CNBD1: variants seen among roughly 807,000 people sequenced by gnomAD.
CNBD1 encodes cyclic nucleotide binding domain containing 1, also known as cyclic nucleotide-binding domain-containing protein 1.
CNBD1 carries 71 observed loss-of-function variants against 54.4 expected under a neutral mutation model. The ratio of observed to expected loss-of-function variants is 1.30; its 90% CI spans 1.08 to 1.59. The LOEUF (loss-of-function observed/expected upper bound fraction) is 1.59, where lower values mean the gene tolerates loss of function less well. CNBD1 is among the 40% of genes most tolerant of loss of function. CNBD1 has a pLI of 0.00. For missense variants in CNBD1, 659 were observed against 518.0 expected (o/e 1.27, Z -2.64); for synonymous variants, 182 against 170.7 (o/e 1.07, Z -0.51).
At chr8:87,238,887 C>T (rs116179190) in intron 6 of CNBD1, among the ~76,000 whole-genome samples, 3,662 of 152,132 alleles carry the variant, frequency 0.024, 132 homozygotes, top group African/African-American at 0.071. Flanking sequence ...GCACTGAGAG[C>T]TCCCAGCAGC....
rs777810367 is a variant in CNBD1, at chr8:86,969,789, T to TAC, written c.431+30036_431+30037insCA. Among the ~76,000 whole-genome samples the TAC allele has an allele frequency of 5.3e-3, 197 of 36,922 alleles. 1 individual carries two copies. Among genetic ancestry groups the TAC allele is most frequent in the East Asian group, 0.017 (1 of 60 alleles). 24.2% of individuals were successfully genotyped at this position (36,922 alleles called of 152,430 possible). Reference sequence around the variant, plus strand: ...ACTAAGGACTAGTGTTTTATATATATATATACACACACACACACACACACA... The same window carrying TAC: ...ACTAAGGACTAGTGTTTTATATATATACATATACACACACACACACACACACA... On this transcript the variant is annotated intron_variant, in intron 4 of 10. Transcript: ENST00000518476.
chr8:87,285,362 AT>A (rs1808673085), intron 7 of CNBD1, among the ~76,000 whole-genome samples: 2 of 152,278 alleles, frequency 1.3e-5, no homozygotes, highest in South Asian at 4.1e-4. Flanking sequence ...AAGTTTAATA[AT>A]TTATTCTCTT....
At chr8:87,321,543 G>T (rs578045855) in intron 8 of CNBD1, among the ~76,000 whole-genome samples, 5 of 151,918 alleles carry the variant, frequency 3.3e-5, no homozygotes, top group African/African-American at 7.2e-5. Flanking sequence ...AGGGTTTTTT[G>T]ATTTTTGCTA....
At chr8:87,042,453 T>C (rs1022346623) in intron 4 of CNBD1, among the ~76,000 whole-genome samples, 1 of 152,120 alleles carries the variant, frequency 6.6e-6, no homozygotes, top group African/African-American at 2.4e-5. Context: ...CTATATACAA[T>C]GATGCTGTGA....
At chr8:87,049,125 C>G (rs985684045) in intron 4 of CNBD1, among the ~76,000 whole-genome samples, 5 of 152,172 alleles carry the variant, frequency 3.3e-5, no homozygotes, top group African/African-American at 1.2e-4. Context: ...ACAGGGGTCT[C>G]AAATGTGTCA....
chr8:87,038,074 T>C (rs896293129), intron 4 of CNBD1, among the ~76,000 whole-genome samples: 3 of 152,158 alleles, frequency 2.0e-5, no homozygotes, highest in African/African-American at 7.2e-5. Flanking sequence ...TGCACTTAAA[T>C]CTCTGTCTTC....
At chr8:86,867,655 A>G (rs1362956708) in intron 1 of CNBD1, among the ~76,000 whole-genome samples, 1 of 152,176 alleles carries the variant, frequency 6.6e-6, no homozygotes, top group Non-Finnish European at 1.5e-5. Flanking sequence ...TTGAGTGGAA[A>G]TAAGAATTAA....
Position 87,095,950 on chromosome 8 carries a change from G to A in CNBD1, c.432-110043G>A, listed in dbSNP as rs116696301. Among the ~76,000 whole-genome samples, 1,030 of 152,234 alleles carry A rather than the reference G, an allele frequency of 6.8e-3. 16 individuals are homozygous for A. The highest frequency in any genetic ancestry group is 0.023 in the African/African-American group (973 of 41,544). On this transcript the variant is annotated intron_variant, in intron 4 of 10. Coordinates refer to ENST00000518476, the MANE Select transcript of CNBD1 (RefSeq NM_173538.3). ...TGGGATTACAGGCATGAGCCACAAC[G>A]CCCGGCCCTGTTATTGTCTTTAAAA...
chr8:86,988,662 C>G (rs1808666418), intron 4 of CNBD1, among the ~76,000 whole-genome samples: 1 of 152,080 alleles, frequency 6.6e-6, no homozygotes, highest in African/African-American at 2.4e-5. Context: ...TATCCTTTAA[C>G]CATCCCACAT....
At chr8:87,373,626 T>C (rs1484694250) in intron 10 of CNBD1, among the ~76,000 whole-genome samples, 1 of 151,828 alleles carries the variant, frequency 6.6e-6, no homozygotes, top group African/African-American at 2.4e-5. Flanking sequence ...GCTCCAAAAG[T>C]CTAATTGTCT....
intron 4 of CNBD1, among the ~76,000 whole-genome samples, chr8:86,968,905 G>A (rs1808155465): frequency 6.6e-6 from 1 of 152,210 alleles, no homozygotes; most frequent in Non-Finnish European, 1.5e-5. Context: ...GTGAAGATAA[G>A]CTATCAATTT....
chr8:87,336,605 G>T (rs1809949020), intron 8 of CNBD1, among the ~76,000 whole-genome samples: 1 of 151,954 alleles, frequency 6.6e-6, no homozygotes, highest in South Asian at 2.1e-4. Context: ...CTAACATTTT[G>T]TCAAGGTTCT....
chr8:87,318,466 GCATACTCTGTCCAATACAC>G lies in CNBD1; in HGVS notation c.1042+31801_1042+31819del, dbSNP rs1349416607. On this transcript the variant is annotated intron_variant, in intron 8 of 10. Coordinates refer to ENST00000518476, the MANE Select transcript of CNBD1 (RefSeq NM_173538.3). ...CCCACTGCTGAGGAAAAACTGTTCT[GCATACTCTGTCCAATACAC>G]CATACGTTTTGAAGGAGCCCCTGCG... 1.5e-4 allele frequency among the ~76,000 whole-genome samples: 23 copies of G among 152,072 alleles called. 2 individuals carry two copies. The highest frequency in any genetic ancestry group is 1.4e-3 in the Admixed American group (21 of 15,246).
chr8:86,996,067 A>G (rs902684501), intron 4 of CNBD1, among the ~76,000 whole-genome samples: 1 of 152,024 alleles, frequency 6.6e-6, no homozygotes, highest in African/African-American at 2.4e-5. Flanking sequence ...CCTCCCTAAG[A>G]CTGATTTCCA....
At chr8:87,292,231 C>T (rs1808801168) in intron 8 of CNBD1, among the ~76,000 whole-genome samples, 1 of 152,042 alleles carries the variant, frequency 6.6e-6, no homozygotes, top group Non-Finnish European at 1.5e-5. Context: ...ATTAATAATG[C>T]TGAAAGGCTA....
At chr8:87,355,482 C>G (rs943213458) in intron 10 of CNBD1, among the ~76,000 whole-genome samples, 6 of 151,968 alleles carry the variant, frequency 3.9e-5, no homozygotes, top group African/African-American at 9.7e-5. Context: ...GTAATAATAA[C>G]AGAATAATAA....
At chr8:86,963,954 A>C (rs1808004828) in intron 4 of CNBD1, among the ~76,000 whole-genome samples, 1 of 152,304 alleles carries the variant, frequency 6.6e-6, no homozygotes, top group South Asian at 2.1e-4. Context: ...AGCAGTTGAC[A>C]GGTGCATTGT....
At chr8:87,019,926 C>T (rs780763130) in intron 4 of CNBD1, among the ~76,000 whole-genome samples, 1 of 152,010 alleles carries the variant, frequency 6.6e-6, no homozygotes, top group Non-Finnish European at 1.5e-5. Flanking sequence ...AATGTTGGTC[C>T]TACAATTCTC....
At chr8:87,171,759 T>C (rs1240777952) in intron 4 of CNBD1, among the ~76,000 whole-genome samples, 1 of 152,046 alleles carries the variant, frequency 6.6e-6, no homozygotes, top group African/African-American at 2.4e-5. Flanking sequence ...TGCCTCAGCC[T>C]CCCAAGTAGC....
Sources: gnomAD v4.1 joint callset for allele counts (sites outside exome capture counted in the v4.1 genomes callset) on GRCh38, gnomAD v4.1.1 for gene constraint, MANE v1.5 for transcripts, NCBI Gene and HGNC (gene_info 2026-07-23, HGNC 2026-07-21) for gene names.